Variants in PDSS2 observed in about 807,000 individuals in gnomAD.
PDSS2 encodes the protein all trans-polyprenyl-diphosphate synthase PDSS2.
PDSS2 carries 31 observed loss-of-function variants against 44.5 expected under a neutral mutation model. The observed-to-expected ratio is 0.70, with a 90% CI of 0.52 to 0.94. PDSS2 has a LOEUF of 0.94. PDSS2 is among the 40% of genes least tolerant of loss of function. PDSS2 has a pLI of 0.00. For synonymous variants in PDSS2, 157 were observed against 180.3 expected, an observed-to-expected ratio of 0.87 and a Z score of 1.03; for missense variants, 452 against 482.2, an observed-to-expected ratio of 0.94 and a Z score of 0.59.
intron 7 of PDSS2, among the ~76,000 whole-genome samples, chr6:107,179,373 C>T (rs1301430902): frequency 2.0e-5 from 3 of 151,836 alleles, no homozygotes; most frequent in Admixed American, 6.6e-5. Flanking sequence ...CTCTGCCTCC[C>T]GGGTTCAAGC....
intron 7 of PDSS2, among the ~76,000 whole-genome samples, chr6:107,174,839 T>C (rs1463258979): frequency 6.6e-6 from 1 of 152,098 alleles, no homozygotes; most frequent in African/African-American, 2.4e-5. Context: ...TTCCCAATAT[T>C]AGAAAAGCAA....
At chr6:107,234,466 A>G (rs939722652) in intron 4 of PDSS2, among the ~76,000 whole-genome samples, 1 of 151,672 alleles carries the variant, frequency 6.6e-6, no homozygotes, top group East Asian at 1.9e-4. Flanking sequence ...CTGCCTCCCA[A>G]AGTGCTGGGA....
chr6:107,241,734 C>CAT (rs1774442254), intron 4 of PDSS2, among the ~76,000 whole-genome samples: 1 of 152,172 alleles, frequency 6.6e-6, no homozygotes, highest in Non-Finnish European at 1.5e-5. Context: ...ACCTTAGTCA[C>CAT]ATATATGCTA....
intron 1 of PDSS2, among the ~76,000 whole-genome samples, chr6:107,448,512 T>C (rs1471799831): frequency 1.3e-5 from 2 of 152,160 alleles, no homozygotes; most frequent in Non-Finnish European, 1.5e-5. Context: ...CTCATTTCCA[T>C]CTAAGACCAC....
At chr6:107,253,388 A>G (rs1774892996) in intron 3 of PDSS2, among the ~76,000 whole-genome samples, 1 of 152,256 alleles carries the variant, frequency 6.6e-6, no homozygotes, top group Non-Finnish European at 1.5e-5. Flanking sequence ...AGTCTAATAA[A>G]TAACTTTTAC....
At chr6:107,306,379 C>T (rs932768649) in intron 2 of PDSS2, among the ~76,000 whole-genome samples, 4 of 152,172 alleles carry the variant, frequency 2.6e-5, no homozygotes, top group African/African-American at 9.6e-5. Flanking sequence ...TTGCCTGCTG[C>T]CATCAATGTA....
At chr6:107,236,034 A>G (rs934901793) in intron 4 of PDSS2, among the ~76,000 whole-genome samples, 2 of 152,174 alleles carry the variant, frequency 1.3e-5, no homozygotes, top group Admixed American at 1.3e-4. Context: ...AAGAAATAAT[A>G]ATCTTTTCCC....
intron 4 of PDSS2, among the ~76,000 whole-genome samples, chr6:107,234,599 G>A (rs1289523129): frequency 6.6e-6 from 1 of 151,572 alleles, no homozygotes; most frequent in Non-Finnish European, 1.5e-5. Flanking sequence ...TCTTTCTGGA[G>A]CTCTTTACTC....
intron 7 of PDSS2, among the ~76,000 whole-genome samples, chr6:107,162,350 C>T (rs1771164856): frequency 6.6e-6 from 1 of 151,446 alleles, no homozygotes; most frequent in South Asian, 2.1e-4. Flanking sequence ...AAAATTAGCC[C>T]GGTATGGTGG....
chr6:107,282,276 C>A (rs556968272), intron 2 of PDSS2, among the ~76,000 whole-genome samples: 47 of 152,248 alleles, frequency 3.1e-4, no homozygotes, highest in Middle Eastern at 3.4e-3. Context: ...ATGACATAAA[C>A]TAAAAAGTAG....
At chr6:107,260,423 G>A (rs889676698) in intron 3 of PDSS2, among the ~76,000 whole-genome samples, 1 of 152,122 alleles carries the variant, frequency 6.6e-6, no homozygotes, top group Non-Finnish European at 1.5e-5. Flanking sequence ...ACATGACTGA[G>A]CTATATGTGG....
chr6:107,158,986 C>T (rs1416802058), intron 7 of PDSS2, among the ~76,000 whole-genome samples: 2 of 152,128 alleles, frequency 1.3e-5, no homozygotes, highest in Non-Finnish European at 2.9e-5. Flanking sequence ...ACCTTAGCCT[C>T]CCAAAGTGCT....
At chr6:107,212,452 G>A (rs1357859003) in intron 4 of PDSS2, among the ~76,000 whole-genome samples, 170 bp from the exon 5 acceptor site, 3 of 152,218 alleles carry the variant, frequency 2.0e-5, no homozygotes, top group Non-Finnish European at 2.9e-5. Context: ...AAAGAATGTG[G>A]TGGGAAAACT....
intron 1 of PDSS2, among the ~76,000 whole-genome samples, chr6:107,398,181 T>C (rs1011049772): frequency 6.6e-6 from 1 of 152,218 alleles, no homozygotes; most frequent in Non-Finnish European, 1.5e-5. Context: ...CAACTGCTTA[T>C]CTGTGGGAGG....
intron 6 of PDSS2, among the ~76,000 whole-genome samples, chr6:107,205,691 T>C (rs1772949071): frequency 6.6e-6 from 1 of 152,012 alleles, no homozygotes; most frequent in Non-Finnish European, 1.5e-5. Context: ...AAGAGTGTGG[T>C]TGTGTGCGTG....
At chr6:107,303,579 T>C (rs1403724860) in intron 2 of PDSS2, among the ~76,000 whole-genome samples, 1 of 152,232 alleles carries the variant, frequency 6.6e-6, no homozygotes, top group Non-Finnish European at 1.5e-5. Context: ...GTTCATACTA[T>C]ACATATGGTA....
chr6:107,190,527 T>C (rs1267402484), intron 7 of PDSS2, among the ~76,000 whole-genome samples: 1 of 152,180 alleles, frequency 6.6e-6, no homozygotes, highest in African/African-American at 2.4e-5. Flanking sequence ...ATCAGTCTCA[T>C]AAATGGATCA....
In PDSS2 at chr6:107,423,139, C is replaced by G. The variant is rs777192049; in HGVS notation, c.296+35851G>C. On this transcript the variant is annotated intron_variant, in intron 1 of 7. Transcript: ENST00000369037. The stretch of plus-strand genomic sequence containing the variant: ...CCAAGGACTATGTATGCTTGCTCAT[C>G]ATGAAGTTGATAATCTCTGCATCTC... Among the ~76,000 whole-genome samples the G allele has an allele frequency of 2.2e-4, 33 of 152,172 alleles. 1 individual carries two copies. Among genetic ancestry groups the G allele is most frequent in the Middle Eastern group, 3.4e-3 (1 of 294 alleles).
chr6:107,317,868 T>C (rs1195912769), intron 2 of PDSS2, among the ~76,000 whole-genome samples: 1 of 152,178 alleles, frequency 6.6e-6, no homozygotes, highest in Non-Finnish European at 1.5e-5. Context: ...AAGGGTTATT[T>C]ACAGTAGGTA....
Sources: gnomAD v4.1 joint callset for allele counts (sites outside exome capture counted in the v4.1 genomes callset) on GRCh38, gnomAD v4.1.1 for gene constraint, MANE v1.5 for transcripts, NCBI Gene and HGNC (gene_info 2026-07-23, HGNC 2026-07-21) for gene names.